Variants in LARGE1 observed in about 807,000 individuals in gnomAD.
LARGE1 encodes the protein LARGE xylosyl- and glucuronyltransferase 1.
A neutral mutation model predicts 87.6 loss-of-function variants in LARGE1; 43 were observed. That is an observed-to-expected ratio of 0.49 (90% CI 0.38 to 0.63). The LOEUF (loss-of-function observed/expected upper bound fraction) is 0.63. Among genes scored for constraint, LARGE1 ranks in the 30% least tolerant of loss-of-function variants. The probability of loss-of-function intolerance (pLI) is 0.00; values close to 1 mark genes in which losing one functional copy is unlikely to be tolerated. For synonymous variants in LARGE1, 434 were observed against 394.6 expected, an observed-to-expected ratio of 1.10 and a Z score of -1.18; for missense variants, 802 against 1,000.2, an observed-to-expected ratio of 0.80 and a Z score of 2.67.
chr22:33,090,067 G>A, the LARGE1 span, among the ~76,000 whole-genome samples: 5 of 152,216 alleles, frequency 3.3e-5, no homozygotes, highest in South Asian at 6.2e-4. Flanking sequence ...TTGGCCAGAT[G>A]TGGTGGTGGG....
chr22:33,447,177 G>A (rs1217760588), intron 6 of LARGE1, among the ~76,000 whole-genome samples: 2 of 152,236 alleles, frequency 1.3e-5, no homozygotes, highest in South Asian at 2.1e-4. Context: ...TATAAGGCAT[G>A]AGCCACTGCA....
intron 12 of LARGE1, among the ~76,000 whole-genome samples, chr22:33,284,217 C>T (rs1056323093): frequency 1.3e-5 from 2 of 152,172 alleles, no homozygotes; most frequent in South Asian, 2.1e-4. Flanking sequence ...TCAATCACTC[C>T]GACTGCACCC....
chr22:33,893,245 A>G (rs1011410890), intron 1 of LARGE1, among the ~76,000 whole-genome samples: 4 of 152,214 alleles, frequency 2.6e-5, no homozygotes, highest in African/African-American at 9.6e-5. Context: ...AAGGGTAGGT[A>G]AAACAAAATG....
chr22:33,658,416 C>T (rs571208688), intron 2 of LARGE1, among the ~76,000 whole-genome samples: 3 of 152,298 alleles, frequency 2.0e-5, no homozygotes, highest in African/African-American at 7.2e-5. Flanking sequence ...CATCCATTAG[C>T]TACTCTTACT....
intron 6 of LARGE1, among the ~76,000 whole-genome samples, chr22:33,498,464 G>A (rs562447615): frequency 2.6e-5 from 4 of 152,172 alleles, no homozygotes; most frequent in East Asian, 3.9e-4. Context: ...ATATATTAAC[G>A]ATGCTGCTAT....
chr22:33,517,449 G>A (rs529386631), intron 6 of LARGE1, among the ~76,000 whole-genome samples: 2 of 152,292 alleles, frequency 1.3e-5, no homozygotes, highest in South Asian at 4.1e-4. Flanking sequence ...AGGCTGGAGT[G>A]CAGTGGTGCA....
intron 1 of LARGE1, among the ~76,000 whole-genome samples, chr22:33,900,283 C>T (rs115440019): frequency 1.1e-3 from 165 of 152,318 alleles, no homozygotes; most frequent in African/African-American, 3.5e-3. Flanking sequence ...TGGTGCTCCC[C>T]CTTGCAAGCC....
At chr22:33,700,720 A>G (rs868307533) in intron 2 of LARGE1, among the ~76,000 whole-genome samples, 2 of 152,174 alleles carry the variant, frequency 1.3e-5, no homozygotes, top group South Asian at 4.1e-4. Context: ...TAGGAAACCC[A>G]TAAGTAGGCA....
chr22:33,511,911 G>A (rs948228872), intron 6 of LARGE1, among the ~76,000 whole-genome samples: 1 of 152,216 alleles, frequency 6.6e-6, no homozygotes, highest in Non-Finnish European at 1.5e-5. Context: ...GGATGGGACT[G>A]TAGCATATCT....
intron 12 of LARGE1, among the ~76,000 whole-genome samples, chr22:33,289,684 T>C (rs1932178439): frequency 2.0e-5 from 3 of 152,168 alleles, no homozygotes; most frequent in Non-Finnish European, 2.9e-5. Flanking sequence ...TCTCGGTCTC[T>C]AGCCAGCCCT....
chr22:33,431,206 G>A (rs1435324496), intron 7 of LARGE1, among the ~76,000 whole-genome samples: 1 of 152,232 alleles, frequency 6.6e-6, no homozygotes, highest in Non-Finnish European at 1.5e-5. Context: ...AGCCTCAGGA[G>A]GAAGAGGCTG....
chr22:33,673,507 C>T (rs1018265531), intron 2 of LARGE1, among the ~76,000 whole-genome samples: 1 of 152,064 alleles, frequency 6.6e-6, no homozygotes, highest in African/African-American at 2.4e-5. Flanking sequence ...CCATTCTTGT[C>T]AAAAAAATTA....
chr22:33,111,226 A>C, the LARGE1 span, among the ~76,000 whole-genome samples: 1 of 152,146 alleles, frequency 6.6e-6, no homozygotes, highest in South Asian at 2.1e-4. Context: ...GAATCCTCTG[A>C]AGCCCATTTC....
chr22:33,305,614 A>G (rs763616921), intron 11 of LARGE1: 111 of 985,104 alleles, frequency 1.1e-4, no homozygotes, highest in Non-Finnish European at 1.3e-4. Context: ...GATTCCATGC[A>G]TTTCCATGCT....
chr22:33,147,597 C>T, the LARGE1 span, among the ~76,000 whole-genome samples: 9 of 152,082 alleles, frequency 5.9e-5, no homozygotes, highest in South Asian at 2.1e-4. Flanking sequence ...ACCTAGGTCT[C>T]GCGATTATAG....
intron 12 of LARGE1, among the ~76,000 whole-genome samples, chr22:33,303,356 G>A (rs1216626475): frequency 6.6e-6 from 1 of 152,080 alleles, no homozygotes; most frequent in East Asian, 1.9e-4. Context: ...AGTAACCCCG[G>A]GCCAACGGCT....
intron 11 of LARGE1, among the ~76,000 whole-genome samples, chr22:33,237,977 A>G (rs77505811): frequency 0.021 from 3,263 of 152,276 alleles, 93 homozygotes; most frequent in African/African-American, 0.074. Context: ...AAGGTAACAT[A>G]TATGTAGTTT....
intron 1 of LARGE1, among the ~76,000 whole-genome samples, chr22:33,791,914 A>C (rs1444403806): frequency 6.6e-6 from 1 of 152,248 alleles, no homozygotes; most frequent in Non-Finnish European, 1.5e-5. Flanking sequence ...TGCATACTGC[A>C]TGCTAAGACA....
chr22:33,722,199 G>A (rs2083120380), intron 2 of LARGE1, among the ~76,000 whole-genome samples: 1 of 151,758 alleles, frequency 6.6e-6, no homozygotes, highest in South Asian at 2.1e-4. Context: ...GTTGCAATGA[G>A]CCGAGATCAC....
Sources: gnomAD v4.1 joint callset for allele counts (sites outside exome capture counted in the v4.1 genomes callset) on GRCh38, gnomAD v4.1.1 for gene constraint, MANE v1.5 for transcripts, NCBI Gene and HGNC (gene_info 2026-07-23, HGNC 2026-07-21) for gene names.